The following ADCY1 variants were observed in gnomAD, a reference collection of about 807,000 sequenced individuals.
ADCY1 encodes adenylate cyclase 1.
In ADCY1, 28 loss-of-function variants were observed where a neutral mutation model predicts 105.4. That is an observed-to-expected ratio of 0.27 (90% confidence interval 0.20 to 0.36). The LOEUF (loss-of-function observed/expected upper bound fraction) is 0.36, where lower values mean the gene tolerates loss of function less well. Ranked by LOEUF, ADCY1 falls within the 10% of genes least tolerant of loss-of-function variation. ADCY1 has a pLI of 1.00. For missense variants in ADCY1, 977 were observed against 1,434.2 expected, an observed-to-expected ratio of 0.68 and a Z score of 5.15; for synonymous variants, 655 against 623.8, an observed-to-expected ratio of 1.05 and a Z score of -0.75.
chr7:45,575,182 G>A lies in ADCY1; in HGVS notation c.639G>A (p.Thr213=), dbSNP rs1445818491. 1 of 1,595,204 alleles carries A rather than the reference G, an allele frequency of 6.3e-7. No homozygotes were observed. Among genetic ancestry groups the A allele is most frequent in the Non-Finnish European group, 8.5e-7 (1 of 1,171,034 alleles). The part of the protein sequence containing the change: ...VPAKRPRLWR[T]LGANALLFVG... ...CCAAGCGCCCACGTCTCTGGAGGAC[G>A]GTAAGTGCAGCCGCGCACCCCTCAT... The change falls in exon 1 of 20, where the codon ACG becomes ACA. Residue 213 remains threonine, a splice_region_variant and synonymous_variant. Coordinates refer to ENST00000297323, the MANE Select transcript of ADCY1 (RefSeq NM_021116.4). This position sits in a 1 kb window ranked among gnomAD's most constrained non-coding sequence, Gnocchi z 4.7.
intron 5 of ADCY1, among the ~76,000 whole-genome samples, chr7:45,650,204 A>G (rs1250001948): frequency 6.6e-6 from 1 of 152,164 alleles, no homozygotes. Context: ...TTCATGTAAT[A>G]TATATCACAT....
At chr7:45,688,826 C>T (rs987226875) in intron 14 of ADCY1, among the ~76,000 whole-genome samples, 54 of 151,942 alleles carry the variant, frequency 3.6e-4, no homozygotes, top group African/African-American at 1.1e-3. Context: ...GTAACGATTA[C>T]TATAATCAAT....
chr7:45,704,016 T>C (rs1221869738), intron 16 of ADCY1, among the ~76,000 whole-genome samples: 1 of 152,196 alleles, frequency 6.6e-6, no homozygotes, highest in Admixed American at 6.5e-5. Context: ...CTGGGACATC[T>C]ACAGTGGCCA....
Position 45,717,758 on chromosome 7 carries a change from T to C in ADCY1, c.*3763T>C, listed in dbSNP as rs897812061. 1 of 152,366 alleles carries C rather than the reference T, an allele frequency of 6.6e-6. No individual in the cohort carries two copies. Among genetic ancestry groups the C allele is most frequent in the African/African-American group, 2.4e-5 (1 of 41,430 alleles). 9.4% of individuals were successfully genotyped at this position (152,366 alleles called of 1,614,324 possible). A position where few individuals can be genotyped will look rare whatever the true frequency, so the allele number is the denominator to read the frequency against. ...CATGCCGGCCCGGGTGGTCCATGCC[T>C]GCGGGGTGTCTGTATCCTGCAGGAG... On this transcript the variant is annotated 3_prime_UTR_variant, in exon 20 of 20. Coordinates refer to ENST00000297323, the MANE Select transcript of ADCY1 (RefSeq NM_021116.4).
intron 3 of ADCY1, among the ~76,000 whole-genome samples, chr7:45,620,296 G>C (rs1471754946): frequency 1.3e-5 from 2 of 152,114 alleles, no homozygotes; most frequent in Non-Finnish European, 2.9e-5. Flanking sequence ...GATATCTGCT[G>C]TACAATATTT....
At chr7:45,653,682 C>T (rs1243708047) in intron 5 of ADCY1, among the ~76,000 whole-genome samples, 1 of 152,156 alleles carries the variant, frequency 6.6e-6, no homozygotes, top group East Asian at 1.9e-4. Flanking sequence ...GGTTTGAGTC[C>T]CTCTCCCCCA....
chr7:45,681,051 A>G (rs1330416724), intron 11 of ADCY1, among the ~76,000 whole-genome samples: 1 of 152,204 alleles, frequency 6.6e-6, no homozygotes, highest in Admixed American at 6.5e-5. Flanking sequence ...CCCCTTTCCC[A>G]CATGTGAGGA....
chr7:45,625,017 C>T (rs1285702509), intron 4 of ADCY1, among the ~76,000 whole-genome samples: 2 of 152,190 alleles, frequency 1.3e-5, no homozygotes, highest in Non-Finnish European at 2.9e-5. Context: ...TTATGAGGCA[C>T]CTTATTTCAG....
At chr7:45,630,007 AT>A (rs898316608) in intron 4 of ADCY1, among the ~76,000 whole-genome samples, 9 of 151,974 alleles carry the variant, frequency 5.9e-5, no homozygotes, top group Non-Finnish European at 1.2e-4. Flanking sequence ...TTAATTTCCT[AT>A]TTTTTAATAG....
chr7:45,583,123 T>G (rs1306290575), intron 1 of ADCY1, among the ~76,000 whole-genome samples: 2 of 152,230 alleles, frequency 1.3e-5, no homozygotes, highest in East Asian at 3.9e-4. Flanking sequence ...GGCATGTGCC[T>G]GTGTGCACAC....
chr7:45,616,141 T>C (rs145058757), intron 3 of ADCY1, among the ~76,000 whole-genome samples: 2 of 152,220 alleles, frequency 1.3e-5, no homozygotes, highest in East Asian at 3.9e-4. Flanking sequence ...CATTAAGAAG[T>C]AGAAAGTTTG....
At chr7:45,599,389 G>A (rs1260912897) in intron 2 of ADCY1, among the ~76,000 whole-genome samples, 1 of 151,038 alleles carries the variant, frequency 6.6e-6, no homozygotes, top group Non-Finnish European at 1.5e-5. Flanking sequence ...AGCTCTCCAG[G>A]AGCACTACAT....
intron 4 of ADCY1, among the ~76,000 whole-genome samples, chr7:45,627,273 A>G (rs993756915): frequency 6.6e-6 from 1 of 152,186 alleles, no homozygotes; most frequent in African/African-American, 2.4e-5. Context: ...TCCCTAGAAG[A>G]GAACTCCTAC....
At chr7:45,631,039 A>C (rs1467319532) in intron 4 of ADCY1, among the ~76,000 whole-genome samples, 1 of 152,222 alleles carries the variant, frequency 6.6e-6, no homozygotes, top group Non-Finnish European at 1.5e-5. Context: ...TGGAAAGTAA[A>C]ATAATAAAAG....
In ADCY1 at chr7:45,625,458, T is replaced by C. The variant is rs1397578560; in HGVS notation, c.1020+2715T>C. Among the ~76,000 whole-genome samples the C allele has an allele frequency of 4.6e-5, 7 of 152,076 alleles. No homozygotes were observed. In the East Asian group the frequency reaches 1.3e-3, roughly 29 times the overall value. ...GTGTGCCTGTACATATGTGTGTGAG[T>C]GTGCACATATGTGAGCATGCATGTG... On this transcript the variant is annotated intron_variant, in intron 4 of 19. Coordinates refer to ENST00000297323, the MANE Select transcript of ADCY1 (RefSeq NM_021116.4).
In ADCY1 at chr7:45,710,491, C is replaced by T. The variant is rs1316304022; in HGVS notation, c.2933-37C>T. Reference sequence around the variant, plus strand: ...CCCTGGTGGGGTGAGTTACACTTTTCCCGCTGATGACAGGTCATGCGCTGG... The same window carrying T: ...CCCTGGTGGGGTGAGTTACACTTTTTCCGCTGATGACAGGTCATGCGCTGG... On this transcript the variant is annotated intron_variant, in intron 18 of 19. Coordinates refer to ENST00000297323, the MANE Select transcript of ADCY1 (RefSeq NM_021116.4). The surrounding 1 kb of genome is among the most constrained non-coding windows in gnomAD (Gnocchi z 4.7). 1.2e-6 allele frequency: 2 copies of T among 1,604,474 alleles called. No homozygotes were observed. The highest frequency in any genetic ancestry group is 2.2e-5 in the South Asian group (2 of 89,456).
chr7:45,700,394 C>T (rs1242870929), intron 14 of ADCY1, among the ~76,000 whole-genome samples: 2 of 152,328 alleles, frequency 1.3e-5, no homozygotes, highest in East Asian at 1.9e-4. Context: ...TGAAGCAATT[C>T]AGCCCCAAAG....
At chr7:45,592,967 G>T in intron 2 of ADCY1, 59 bp downstream of exon 2, 11 of 1,597,374 alleles carry the variant, frequency 6.9e-6, no homozygotes, top group Non-Finnish European at 9.4e-6. Context: ...GGAGGTGGAA[G>T]AAGCTGGCTT....
chr7:45,645,989 A>AG (rs1271385664), intron 4 of ADCY1, among the ~76,000 whole-genome samples: 1 of 95,270 alleles, frequency 1.0e-5, no homozygotes, highest in African/African-American at 4.0e-5. Context: ...AATCTCAGGG[A>AG]GGGGGTGGGA....
Sources: allele counts gnomAD v4.1 joint callset (sites outside exome capture counted in the v4.1 genomes callset), GRCh38; gene constraint gnomAD v4.1.1; non-coding constraint Gnocchi (gnomAD v3.1); transcripts MANE v1.5; gene names NCBI Gene and HGNC (gene_info 2026-07-23, HGNC 2026-07-21).